The following HHAT variants were observed in gnomAD, a reference collection of about 807,000 sequenced individuals.
HHAT encodes the protein hedgehog acyltransferase, also known as protein-cysteine N-palmitoyltransferase HHAT.
In HHAT, 47 loss-of-function variants were observed where a neutral mutation model predicts 70.8. The observed-to-expected ratio is 0.66, with a 90% CI of 0.53 to 0.85. The LOEUF is 0.85. HHAT is among the 40% of genes least tolerant of loss of function. The pLI is 0.00. For synonymous variants in HHAT, 228 were observed against 247.6 expected (o/e 0.92, Z 0.74); for missense variants, 609 against 604.8 (o/e 1.01, Z -0.07).
At chr1:210,329,440 C>T (rs939650514) in intron 1 of HHAT, 3 of 1,073,690 alleles carry the variant, frequency 2.8e-6, no homozygotes, top group African/African-American at 3.3e-5. Flanking sequence ...TTGGCAGTAT[C>T]GGCGGTGCGC....
intron 11 of HHAT, among the ~76,000 whole-genome samples, chr1:210,640,962 G>A (rs1206032544): frequency 6.6e-6 from 1 of 152,184 alleles, no homozygotes; most frequent in African/African-American, 2.4e-5. Context: ...ATGTCATCTA[G>A]CTGCTGCTTC....
At chr1:210,348,736 C>CATGT (rs143188292) in intron 1 of HHAT, among the ~76,000 whole-genome samples, 197 bp from the exon 2 acceptor site, 6 of 147,938 alleles carry the variant, frequency 4.1e-5, no homozygotes, top group African/African-American at 7.6e-5. Flanking sequence ...TGTATGTGTG[C>CATGT]GTGTGTGTGT....
chr1:210,464,433 G>A (rs767203991), intron 7 of HHAT, 72 bp from the exon 8 acceptor site: 1 of 1,506,046 alleles, frequency 6.6e-7, no homozygotes, highest in East Asian at 2.3e-5. Context: ...CATAGCTCCT[G>A]GGGTGTTGGT....
intron 11 of HHAT, 94 bp from the exon 12 acceptor site, chr1:210,674,194 G>T: frequency 2.0e-6 from 2 of 991,350 alleles, no homozygotes; most frequent in Non-Finnish European, 1.6e-6. Flanking sequence ...TTGTTTGTCA[G>T]GTTGCCTTCT....
intron 8 of HHAT, among the ~76,000 whole-genome samples, chr1:210,490,075 C>T (rs1451281332): frequency 1.3e-5 from 2 of 152,172 alleles, no homozygotes; most frequent in Non-Finnish European, 2.9e-5. Flanking sequence ...CTGTAAAATT[C>T]CTCAATTGTT....
chr1:210,596,854 T>C (rs551685029), intron 10 of HHAT, among the ~76,000 whole-genome samples: 14 of 152,320 alleles, frequency 9.2e-5, no homozygotes, highest in African/African-American at 3.4e-4. Context: ...GGTCATATTT[T>C]CATGGATGGT....
intron 6 of HHAT, among the ~76,000 whole-genome samples, chr1:210,415,231 C>T (rs538947456): frequency 3.3e-5 from 5 of 152,166 alleles, no homozygotes; most frequent in African/African-American, 4.8e-5. Context: ...TTTAACTTCT[C>T]GTTTATTAAA....
chr1:210,366,582 C>T (rs530615969), intron 3 of HHAT, among the ~76,000 whole-genome samples: 373 of 152,330 alleles, frequency 2.4e-3, no homozygotes, highest in Middle Eastern at 3.4e-3. Flanking sequence ...TGCCACTGCA[C>T]TCTGCACTCC....
chr1:210,551,340 C>T lies in HHAT; in HGVS notation c.1044-36558C>T, dbSNP rs59531064. 5.0e-4 allele frequency among the ~76,000 whole-genome samples: 75 copies of T among 149,062 alleles called. 8 individuals carry two copies. The highest frequency in any genetic ancestry group is 1.4e-3 in the African/African-American group (57 of 40,330). On this transcript the variant is annotated intron_variant, in intron 9 of 11. Coordinates refer to ENST00000261458, the MANE Select transcript of HHAT (RefSeq NM_018194.6). ...GGGAACTGGAAGGTGGGGACCAGTG[C>T]GACTCATCACAGTTCTGAAGATTCT...
At chr1:210,357,420 A>C (rs1442460808) in intron 2 of HHAT, among the ~76,000 whole-genome samples, 1 of 152,226 alleles carries the variant, frequency 6.6e-6, no homozygotes, top group East Asian at 1.9e-4. Context: ...CACACAGAAG[A>C]AATAGGTCTT....
chr1:210,549,350 A>T (rs2095509887), intron 9 of HHAT, among the ~76,000 whole-genome samples: 1 of 149,016 alleles, frequency 6.7e-6, no homozygotes, highest in South Asian at 2.2e-4. Context: ...GCATTTTGTC[A>T]GTTACCTGTG....
intron 7 of HHAT, among the ~76,000 whole-genome samples, chr1:210,448,494 A>G (rs1172364476): frequency 6.6e-6 from 1 of 152,170 alleles, no homozygotes; most frequent in East Asian, 1.9e-4. Context: ...GGTGGCAGTA[A>G]AAGATAGCTA....
At chr1:210,427,889 T>G (rs2093114829) in intron 7 of HHAT, among the ~76,000 whole-genome samples, 1 of 152,058 alleles carries the variant, frequency 6.6e-6, no homozygotes, top group Non-Finnish European at 1.5e-5. Flanking sequence ...ATATTGTCGG[T>G]GGTGTGTTAA....
intron 11 of HHAT, 68 bp downstream of exon 11, chr1:210,623,738 A>T: frequency 6.1e-6 from 9 of 1,469,570 alleles, no homozygotes; most frequent in Non-Finnish European, 8.4e-6. Context: ...GGGATCATAC[A>T]TGGGATGGAT....
chr1:210,670,205 A>G (rs1228573153), intron 11 of HHAT, among the ~76,000 whole-genome samples: 1 of 152,140 alleles, frequency 6.6e-6, no homozygotes, highest in Admixed American at 6.5e-5. Context: ...TGAGCTGCTG[A>G]TGAAGATGAG....
chr1:210,646,541 T>C (rs1558346464), intron 11 of HHAT, among the ~76,000 whole-genome samples: 1 of 151,972 alleles, frequency 6.6e-6, no homozygotes, highest in Non-Finnish European at 1.5e-5. Flanking sequence ...TTCTTGCTTT[T>C]ATGAAAATTA....
At chr1:210,548,734 T>C (rs1281983252) in intron 9 of HHAT, among the ~76,000 whole-genome samples, 2 of 152,214 alleles carry the variant, frequency 1.3e-5, no homozygotes, top group Admixed American at 6.5e-5. Context: ...ATGGTATTAA[T>C]TGAAAATTAC....
chr1:210,641,977 A>C (rs1435064034), intron 11 of HHAT, among the ~76,000 whole-genome samples: 1 of 152,214 alleles, frequency 6.6e-6, no homozygotes, highest in Non-Finnish European at 1.5e-5. Flanking sequence ...ACAATTTTAC[A>C]TGTGTAAAAC....
chr1:210,417,257 C>T (rs978730991), intron 6 of HHAT, among the ~76,000 whole-genome samples: 2 of 152,296 alleles, frequency 1.3e-5, no homozygotes, highest in South Asian at 4.2e-4. Flanking sequence ...GTTTTTTAGA[C>T]AGTCTTGCTC....
Sources: allele counts gnomAD v4.1 joint callset (sites outside exome capture counted in the v4.1 genomes callset), GRCh38; gene constraint gnomAD v4.1.1; transcripts MANE v1.5; gene names NCBI Gene and HGNC (gene_info 2026-07-23, HGNC 2026-07-21).